Variants in NEDD4 observed in about 807,000 individuals in gnomAD.
NEDD4 encodes E3 ubiquitin-protein ligase NEDD4.
In NEDD4, 99 loss-of-function variants were observed where a neutral mutation model predicts 144.9. The observed-to-expected ratio is 0.68, with a 90% CI of 0.58 to 0.81. NEDD4 has a LOEUF of 0.81. Among genes scored for constraint, NEDD4 ranks in the 30% least tolerant of loss-of-function variants. NEDD4 has a pLI of 0.00. For synonymous variants in NEDD4, 318 were observed against 350.6 expected (o/e 0.91, Z 1.04); for missense variants, 985 against 1,065.9 (o/e 0.92, Z 1.06).
chr15:55,921,231 TG>T (rs2036563519), intron 5 of NEDD4, among the ~76,000 whole-genome samples: 1 of 152,146 alleles, frequency 6.6e-6, no homozygotes, highest in Non-Finnish European at 1.5e-5. Flanking sequence ...TTAGAAGGAT[TG>T]AATAATTTGT....
At chr15:55,838,443 C>T (rs1198520942) in intron 22 of NEDD4, 66 bp downstream of exon 22, 31 of 1,064,732 alleles carry the variant, frequency 2.9e-5, no homozygotes, top group Non-Finnish European at 4.1e-5. Context: ...ATTAAGTGTA[C>T]GTATTAACAT....
In NEDD4 at chr15:55,878,318, CAAT is replaced by C. The variant is rs201583414; in HGVS notation, c.292-4313_292-4311del. ...ATTACTATAAGTCAATAATATGAAT[CAAT>C]AATAAACAGAAAAACTGTCCCATTA... On this transcript the variant is annotated intron_variant, in intron 5 of 28. Coordinates refer to ENST00000435532, the MANE Select transcript of NEDD4 (RefSeq NM_006154.4). Among the ~76,000 whole-genome samples the C allele has an allele frequency of 8.2e-3, 1,241 of 151,928 alleles. 7 individuals carry two copies. The highest frequency in any genetic ancestry group is 0.013 in the Non-Finnish European group (884 of 67,902).
rs895778870 is a variant in NEDD4, at chr15:55,928,127, G to C, written c.238-3428C>G. ...TGGGTTCAAGCGATTCTCCTGCCTC[G>C]ACCTCCCAAGTAGCTGGGACTACAG... is the stretch of plus-strand genomic sequence containing the variant. On this transcript the variant is annotated intron_variant, in intron 4 of 28. Transcript: ENST00000435532. Among the ~76,000 whole-genome samples, 5 of 151,614 alleles carry C rather than the reference G, an allele frequency of 3.3e-5. 1 individual carries two copies. The East Asian group carries it at 5.8e-4, about 18-fold the overall frequency.
intron 5 of NEDD4, among the ~76,000 whole-genome samples, chr15:55,875,695 G>A (rs1278055937): frequency 6.6e-6 from 1 of 152,090 alleles, no homozygotes; most frequent in South Asian, 2.1e-4. Context: ...GACAATTGAA[G>A]ATGACTGGAG....
intron 5 of NEDD4, among the ~76,000 whole-genome samples, chr15:55,906,189 C>A (rs564955500): frequency 1.3e-5 from 2 of 152,070 alleles, no homozygotes; most frequent in Non-Finnish European, 2.9e-5. Context: ...TGGTGGGACT[C>A]TAAACTAGTT....
In NEDD4 at chr15:55,860,749, T is replaced by C. The variant is rs1470486800; in HGVS notation, c.704A>G (p.Asn235Ser). The C allele has an allele frequency of 6.2e-7, 1 of 1,614,182 alleles. No homozygotes were observed. Among genetic ancestry groups the C allele is most frequent in the East Asian group, 2.2e-5 (1 of 44,886 alleles). Reference sequence around the variant, plus strand: ...TGCACGTTGTGCTTGCAGTTGAATGTTGCCATTCTCAGCATCTGTTAGGTT... The same window carrying C: ...TGCACGTTGTGCTTGCAGTTGAATGCTGCCATTCTCAGCATCTGTTAGGTT... ...QDNLTDAENG[N>S]IQLQAQRAFT... Residue 235 changes from asparagine (N) to serine (S), a missense_variant, in exon 10 of 29, where the codon AAC (asparagine) becomes AGC (serine). Coordinates refer to ENST00000435532, the MANE Select transcript of NEDD4 (RefSeq NM_006154.4).
chr15:55,888,449 G>A (rs568904169), intron 5 of NEDD4, among the ~76,000 whole-genome samples: 2 of 152,156 alleles, frequency 1.3e-5, no homozygotes, highest in Non-Finnish European at 2.9e-5. Flanking sequence ...ACTGATGAAA[G>A]AAATCAAAGA....
chr15:55,847,839 A>G (rs912618874), intron 17 of NEDD4, among the ~76,000 whole-genome samples: 6 of 151,146 alleles, frequency 4.0e-5, no homozygotes, highest in Admixed American at 1.3e-4. Context: ...ACCATGCCCA[A>G]CTAATTTTTT....
chr15:55,960,025 A>G (rs751755080), intron 2 of NEDD4, among the ~76,000 whole-genome samples: 3 of 152,126 alleles, frequency 2.0e-5, no homozygotes, highest in Admixed American at 6.6e-5. Context: ...CAGCTCCTCA[A>G]TGTGGTCAAT....
At chr15:55,901,459 T>C (rs1374631080) in intron 5 of NEDD4, among the ~76,000 whole-genome samples, 1 of 152,176 alleles carries the variant, frequency 6.6e-6, no homozygotes, top group African/African-American at 2.4e-5. Flanking sequence ...TCTCCTTCAG[T>C]ACATCCAGTG....
intron 5 of NEDD4, among the ~76,000 whole-genome samples, chr15:55,897,536 C>T (rs538002556): frequency 2.4e-4 from 37 of 152,202 alleles, no homozygotes; most frequent in Non-Finnish European, 4.9e-4. Flanking sequence ...TTGCCCATTT[C>T]AAAAGGGTCA....
At chr15:55,907,288 G>A (rs957645799) in intron 5 of NEDD4, among the ~76,000 whole-genome samples, 1 of 151,918 alleles carries the variant, frequency 6.6e-6, no homozygotes, top group Non-Finnish European at 1.5e-5. Flanking sequence ...AAAACATGGA[G>A]AAAAAGACAG....
At chr15:55,942,898 G>C (rs775506736) in intron 4 of NEDD4, among the ~76,000 whole-genome samples, 28 of 152,200 alleles carry the variant, frequency 1.8e-4, no homozygotes, top group Non-Finnish European at 3.4e-4. Context: ...CCAAAATGCT[G>C]ATAGTGATAT....
At chr15:55,838,713 A>T in intron 21 of NEDD4, 109 bp from the exon 22 acceptor site, 1 of 657,760 alleles carries the variant, frequency 1.5e-6, no homozygotes, top group Non-Finnish European at 2.6e-6. Context: ...GAGAGGTCAG[A>T]TGGACATCCT....
Position 55,869,664 on chromosome 15 carries a change from T to C in NEDD4, c.422A>G (p.Lys141Arg). Residue 141 changes from lysine (K) to arginine (R), a missense_variant, in exon 8 of 29, where the codon AAA becomes AGA. Physicochemically the swap from Lys to Arg is conservative, Grantham distance 26 (BLOSUM62 2). Coordinates refer to ENST00000435532, the MANE Select transcript of NEDD4 (RefSeq NM_006154.4). Reference protein sequence around the residue: ...LHPRSHKSRVKGYLRLKMTYL... With the variant: ...LHPRSHKSRVRGYLRLKMTYL... ...AGTCATTTTTAGTCTCAGATAACCT[T>C]TAACTCTTGATTTGTGACTGTAGAA... is the stretch of plus-strand genomic sequence containing the variant. The C allele has an allele frequency of 6.4e-7, 1 of 1,556,058 alleles. No individual in the cohort carries two copies. The highest frequency in any genetic ancestry group is 8.7e-7 in the Non-Finnish European group (1 of 1,145,278).
intron 2 of NEDD4, among the ~76,000 whole-genome samples, chr15:55,961,057 GAGAGTGGCT>G (rs2037417093): frequency 6.6e-6 from 1 of 152,208 alleles, no homozygotes; most frequent in African/African-American, 2.4e-5. Flanking sequence ...GATTCTCCTA[GAGAGTGGCT>G]ATCTGCTATT....
At chr15:55,920,805 T>C (rs1323004026) in intron 5 of NEDD4, among the ~76,000 whole-genome samples, 1 of 152,190 alleles carries the variant, frequency 6.6e-6, no homozygotes, top group African/African-American at 2.4e-5. Flanking sequence ...ACTCCACCAA[T>C]GGCTATAGGT....
chr15:55,848,402 AG>A lies in NEDD4; in HGVS notation c.1511del (p.Pro504LeufsTer6). The A allele has an allele frequency of 6.2e-7, 1 of 1,614,164 alleles. No individual in the cohort carries two copies. The highest frequency in any genetic ancestry group is 8.5e-7 in the Non-Finnish European group (1 of 1,180,012). On this transcript the variant is annotated frameshift_variant, in exon 17 of 29. Coordinates refer to ENST00000435532, the MANE Select transcript of NEDD4 (RefSeq NM_006154.4). LOFTEE classifies it high-confidence loss of function. ...HNIKRTQWED[P>X]RLENVAITGP... is the part of the protein sequence containing the mutation. ...CAGTTATTGCTACATTCTCCAACCGAGGATCTTCCCATTGTGTTCTTTTTAT... is the reference window on the plus strand; with the variant it reads ...CAGTTATTGCTACATTCTCCAACCGAGATCTTCCCATTGTGTTCTTTTTAT...
At chr15:55,951,178 T>A (rs1472184300) in intron 4 of NEDD4, among the ~76,000 whole-genome samples, 198 bp downstream of exon 4, 1 of 152,246 alleles carries the variant, frequency 6.6e-6, no homozygotes, top group African/African-American at 2.4e-5. Flanking sequence ...TAGAATAAGA[T>A]AATTCTAGTC....
Sources: gnomAD v4.1 joint callset for allele counts (sites outside exome capture counted in the v4.1 genomes callset) on GRCh38, gnomAD v4.1.1 for gene constraint, MANE v1.5 for transcripts, NCBI Gene and HGNC (gene_info 2026-07-23, HGNC 2026-07-21) for gene names.